Variants in RBMS1 observed in about 807,000 individuals in gnomAD.
RBMS1 encodes RNA-binding motif, single-stranded-interacting protein 1.
A neutral mutation model predicts 62.3 loss-of-function variants in RBMS1; 17 were observed. The ratio of observed to expected loss-of-function variants is 0.27; its 90% CI spans 0.19 to 0.41. The LOEUF is 0.41. RBMS1 is among the 10% of genes least tolerant of loss of function. The probability of loss-of-function intolerance (pLI) is 1.00; values close to 1 mark genes in which losing one functional copy is unlikely to be tolerated. For missense variants in RBMS1, 334 were observed against 504.5 expected, an observed-to-expected ratio of 0.66 and a Z score of 3.24; for synonymous variants, 172 against 170.0, an observed-to-expected ratio of 1.01 and a Z score of -0.09.
intron 1 of RBMS1, among the ~76,000 whole-genome samples, chr2:160,446,939 G>C (rs1427898475): frequency 6.6e-6 from 1 of 152,136 alleles, no homozygotes; most frequent in Non-Finnish European, 1.5e-5. Flanking sequence ...AAGCTTTCTT[G>C]CCACCTCATG....
intron 1 of RBMS1, among the ~76,000 whole-genome samples, chr2:160,437,995 T>C (rs1395902201): frequency 6.6e-6 from 1 of 152,204 alleles, no homozygotes; most frequent in Admixed American, 6.5e-5. Context: ...GGAGATTAGC[T>C]AAGATTTTTG....
At chr2:160,339,978 T>C (rs140966135) in intron 2 of RBMS1, among the ~76,000 whole-genome samples, 275 of 152,308 alleles carry the variant, frequency 1.8e-3, no homozygotes, top group African/African-American at 6.4e-3. Flanking sequence ...ACACATAACA[T>C]GTACAAATCT....
intron 2 of RBMS1, among the ~76,000 whole-genome samples, chr2:160,363,916 G>A (rs928190579): frequency 6.6e-6 from 1 of 152,002 alleles, no homozygotes; most frequent in Non-Finnish European, 1.5e-5. Context: ...GAAAAAAAAA[G>A]CTAGGGAAAA....
At chr2:160,477,462 G>A (rs1476620175) in intron 1 of RBMS1, among the ~76,000 whole-genome samples, 7 of 152,266 alleles carry the variant, frequency 4.6e-5, no homozygotes, top group South Asian at 4.1e-4. Context: ...CTGCAGTGCA[G>A]TGCCACAATC....
chr2:160,426,228 A>AGAAAGAAAGAAAGAAG (rs1682572075), intron 1 of RBMS1, among the ~76,000 whole-genome samples: 1 of 102,766 alleles, frequency 9.7e-6, no homozygotes, highest in African/African-American at 4.0e-5. Flanking sequence ...GAAGAAAGAA[A>AGAAAGAAAGAAAGAAG]GAAAGAAAGA....
intron 2 of RBMS1, among the ~76,000 whole-genome samples, chr2:160,365,075 TC>T (rs1214635134): frequency 1.3e-5 from 2 of 152,342 alleles, no homozygotes; most frequent in Admixed American, 6.5e-5. Context: ...CACTTCTATG[TC>T]ACCAACTAGC....
intron 1 of RBMS1, chr2:160,407,356 G>C: frequency 1.0e-6 from 1 of 985,592 alleles, no homozygotes; most frequent in Non-Finnish European, 1.2e-6. Context: ...GGGAAACAAG[G>C]TCACCGCCCA....
chr2:160,446,559 T>A (rs1157945810), intron 1 of RBMS1, among the ~76,000 whole-genome samples: 1 of 152,210 alleles, frequency 6.6e-6, no homozygotes, highest in Non-Finnish European at 1.5e-5. Flanking sequence ...TCTCATGCTC[T>A]GTTCACATCC....
At chr2:160,430,627 A>G (rs1404020924) in intron 1 of RBMS1, among the ~76,000 whole-genome samples, 1 of 152,198 alleles carries the variant, frequency 6.6e-6, no homozygotes, top group Non-Finnish European at 1.5e-5. Flanking sequence ...TAATCTAAAC[A>G]ATTGTATTCA....
rs778663985 is a variant in RBMS1, at chr2:160,441,186, T to G, written c.75+52103A>C. ...GTGTTTTTGAGAGTCATCAATATTG[T>G]TGCCTGAATCAGTTGCTTGTTCTTT... On this transcript the variant is annotated intron_variant, in intron 1 of 13. Transcript: ENST00000348849. Among the ~76,000 whole-genome samples, 145 of 152,256 alleles carry G rather than the reference T, an allele frequency of 9.5e-4. 2 individuals are homozygous for G. The highest frequency in any genetic ancestry group is 4.7e-4 in the Non-Finnish European group (32 of 68,004).
chr2:160,321,476 T>TTG (rs949389320), intron 2 of RBMS1, among the ~76,000 whole-genome samples: 3 of 152,224 alleles, frequency 2.0e-5, no homozygotes, highest in African/African-American at 7.2e-5. Context: ...CAGTTCTTCC[T>TTG]TGTGTGTGTA....
Position 160,285,051 on chromosome 2 carries a change from G to A in RBMS1, c.757-7C>T. On this transcript the variant is annotated splice_region_variant and splice_polypyrimidine_tract_variant and intron_variant, in intron 7 of 13. Coordinates refer to ENST00000348849, the MANE Select transcript of RBMS1 (RefSeq NM_016836.4). The stretch of plus-strand genomic sequence containing the variant: ...AAGTAAGTGTCATTCCAGCCTATGG[G>A]AAAGAGAAAGAAATATAAACATTCA... The A allele has an allele frequency of 6.2e-7, 1 of 1,608,722 alleles. No homozygotes were observed. Among genetic ancestry groups the A allele is most frequent in the Admixed American group, 1.7e-5 (1 of 60,016 alleles).
At chr2:160,306,832 G>A (rs1405781845) in intron 4 of RBMS1, among the ~76,000 whole-genome samples, 3 of 151,982 alleles carry the variant, frequency 2.0e-5, no homozygotes, top group African/African-American at 7.3e-5. Flanking sequence ...ATAACTGGTG[G>A]TGGTTCTTGA....
chr2:160,451,283 A>G (rs1245023413), intron 1 of RBMS1, among the ~76,000 whole-genome samples: 2 of 152,110 alleles, frequency 1.3e-5, no homozygotes, highest in African/African-American at 4.8e-5. Flanking sequence ...TGTTAAACCA[A>G]TGTTTGCTCT....
At chr2:160,484,504 C>T (rs1685508936) in intron 1 of RBMS1, among the ~76,000 whole-genome samples, 1 of 149,038 alleles carries the variant, frequency 6.7e-6, no homozygotes, top group African/African-American at 2.5e-5. Flanking sequence ...GTCACAACAA[C>T]AACAACAACA....
At chr2:160,397,240 T>C (rs1695196915) in intron 1 of RBMS1, among the ~76,000 whole-genome samples, 1 of 152,092 alleles carries the variant, frequency 6.6e-6, no homozygotes, top group Non-Finnish European at 1.5e-5. Context: ...TCCAAATCTT[T>C]TGTCATACTC....
In RBMS1 at chr2:160,275,544, T is replaced by C. The variant is rs959897182; in HGVS notation, c.*7+86A>G. 7 of 1,533,800 alleles carry C rather than the reference T, an allele frequency of 4.6e-6. No homozygotes were observed. In the African/African-American group the frequency reaches 8.3e-5, roughly 18 times the overall value. ...AAGCAGTATGATAAAATCCGAGTTA[T>C]CCCAATCACCATTCTGATTTTAAAA... On this transcript the variant is annotated intron_variant, in intron 13 of 13. Coordinates refer to ENST00000348849, the MANE Select transcript of RBMS1 (RefSeq NM_016836.4).
In RBMS1 at chr2:160,493,608, GAC is replaced by G. The variant is rs1685970071; in HGVS notation, c.-247_-246del. ...CCTCCTCCTCCCAGGCAGAAAGAAA[GAC>G]ACTGCAGAGCGCAGAGGGCACCCCG... is the stretch of plus-strand genomic sequence containing the variant. On this transcript the variant is annotated 5_prime_UTR_variant, in exon 1 of 14. Transcript: ENST00000348849. The G allele has an allele frequency of 1.7e-6, 1 of 580,182 alleles. No individual in the cohort carries two copies. The highest frequency in any genetic ancestry group is 2.9e-5 in the East Asian group (1 of 34,172). 35.9% of individuals were successfully genotyped at this position (580,182 alleles called of 1,614,324 possible). A position where few individuals can be genotyped will look rare whatever the true frequency, so the allele number is the denominator to read the frequency against.
intron 1 of RBMS1, among the ~76,000 whole-genome samples, chr2:160,484,127 T>A (rs1685486022): frequency 6.6e-6 from 1 of 151,752 alleles, no homozygotes; most frequent in Non-Finnish European, 1.5e-5. Flanking sequence ...GCATAGCCAC[T>A]GCTCCCCACC....
Sources: allele counts gnomAD v4.1 joint callset (sites outside exome capture counted in the v4.1 genomes callset), GRCh38; gene constraint gnomAD v4.1.1; transcripts MANE v1.5; gene names NCBI Gene and HGNC (gene_info 2026-07-23, HGNC 2026-07-21).